NCOA6: variants seen among roughly 807,000 people sequenced by gnomAD.
NCOA6 encodes the protein NRC RAP250.
A neutral mutation model predicts 171.4 loss-of-function variants in NCOA6; 49 were observed. The observed-to-expected ratio is 0.29, with a 90% CI of 0.23 to 0.36. The LOEUF (loss-of-function observed/expected upper bound fraction) is 0.36. Ranked by LOEUF, NCOA6 falls within the 10% of genes least tolerant of loss-of-function variation. The probability of loss-of-function intolerance (pLI) is 1.00; values close to 1 mark genes in which losing one functional copy is unlikely to be tolerated. For missense variants in NCOA6, 2,248 were observed against 2,554.5 expected, an observed-to-expected ratio of 0.88 and a Z score of 2.59; for synonymous variants, 910 against 927.5, an observed-to-expected ratio of 0.98 and a Z score of 0.34.
At chr20:34,815,032 G>A (rs1601153002) in intron 1 of NCOA6, among the ~76,000 whole-genome samples, 1 of 152,152 alleles carries the variant, frequency 6.6e-6, no homozygotes. Flanking sequence ...ATTCAAATGA[G>A]TATTCACAAT....
chr20:34,809,430 T>G (rs1055952321), intron 1 of NCOA6: 2 of 398,434 alleles, frequency 5.0e-6, no homozygotes, highest in African/African-American at 4.1e-5. Flanking sequence ...TTGAATTTCA[T>G]GTATTCTACA....
chr20:34,822,172 T>C (rs2079026985), intron 1 of NCOA6, among the ~76,000 whole-genome samples: 1 of 152,114 alleles, frequency 6.6e-6, no homozygotes. Flanking sequence ...CAGTCTACCC[T>C]CCTTCCAAAG....
intron 8 of NCOA6, among the ~76,000 whole-genome samples, chr20:34,752,934 CACAA>C (rs2076534037): frequency 6.7e-6 from 1 of 149,016 alleles, no homozygotes; most frequent in Non-Finnish European, 1.5e-5. Flanking sequence ...AAAAAACACA[CACAA>C]AGAAAACAAA....
At chr20:34,786,491 A>G (rs2077685266) in intron 2 of NCOA6, among the ~76,000 whole-genome samples, 1 of 152,196 alleles carries the variant, frequency 6.6e-6, no homozygotes. Context: ...ATTTAGTGCT[A>G]TAAATTTCCC....
Position 34,741,470 on chromosome 20 carries a change from G to T in NCOA6, c.4786C>A (p.Gln1596Lys), listed in dbSNP as rs1171006639. ...SSISTPLPPN[Q>K]ITVFVTSNPI... ...TTGGAAGTGACAAATACAGTTATTT[G>T]ATTTGGGGGCAAGGGAGTGGAAATG... is the stretch of plus-strand genomic sequence containing the variant. Residue 1596 changes from glutamine (Q) to lysine (K), a missense_variant, in exon 11 of 15, where the codon CAA becomes AAA. This residue lies in a region of NCOA6 where 884 missense variants were observed against 941.9 expected (regional missense o/e 0.94). Coordinates refer to ENST00000359003, the MANE Select transcript of NCOA6 (RefSeq NM_014071.5). 2 of 1,614,044 alleles carry T rather than the reference G, an allele frequency of 1.2e-6. No individual in the cohort carries two copies. The highest frequency in any genetic ancestry group is 2.7e-5 in the African/African-American group (2 of 74,910).
At position 34,749,392 on chromosome 20, in the gene NCOA6, T is replaced by A. The variant is rs1230039625; in HGVS notation, c.2792+11A>T. 6.3e-7 allele frequency: 1 copy of A among 1,576,356 alleles called. No individual in the cohort carries two copies. The highest frequency in any genetic ancestry group is 1.4e-5 in the African/African-American group (1 of 73,108). ...ATGAATAAAATTTGAGGCAAAACCA[T>A]CACAACCTACTTTAGATCTTGCTGA... On this transcript the variant is annotated intron_variant, in intron 9 of 14. Coordinates refer to ENST00000359003, the MANE Select transcript of NCOA6 (RefSeq NM_014071.5).
chr20:34,809,363 AAAAGT>A (rs1427088672), intron 1 of NCOA6: 1 of 397,372 alleles, frequency 2.5e-6, no homozygotes, highest in Non-Finnish European at 4.4e-6. Context: ...CTCCTTTTTA[AAAAGT>A]AAAGTCTATT....
intron 1 of NCOA6, among the ~76,000 whole-genome samples, chr20:34,802,827 T>G: frequency 6.6e-6 from 1 of 152,140 alleles, no homozygotes; most frequent in Middle Eastern, 3.2e-3. Context: ...TTGTTTTAGT[T>G]TTTTGAGTCA....
chr20:34,728,635 G>A (rs937274658), intron 13 of NCOA6, among the ~76,000 whole-genome samples: 1 of 152,166 alleles, frequency 6.6e-6, no homozygotes, highest in African/African-American at 2.4e-5. Context: ...CCACTTCTAG[G>A]TGCCTAAGGA....
chr20:34,782,388 G>A lies in NCOA6; in HGVS notation c.-33C>T. The A allele has an allele frequency of 2.2e-6, 3 of 1,373,990 alleles. No homozygotes were observed. The highest frequency in any genetic ancestry group is 2.2e-5 in the Admixed American group (1 of 46,168). 85.1% of individuals were successfully genotyped at this position (1,373,990 alleles called of 1,614,324 possible). A position where few individuals can be genotyped will look rare whatever the true frequency, so the allele number is the denominator to read the frequency against. On this transcript the variant is annotated 5_prime_UTR_variant, in exon 3 of 15. Transcript: ENST00000359003. ...ATTATTCCAGAAGCATATGCCAAGA[G>A]GACAATAAGAAAACTTCTGAAAAGA...
At chr20:34,790,643 C>T (rs2077846924) in intron 2 of NCOA6, among the ~76,000 whole-genome samples, 2 of 152,022 alleles carry the variant, frequency 1.3e-5, no homozygotes, top group South Asian at 4.1e-4. Flanking sequence ...GCGTGAGCCA[C>T]CACGCCTGGC....
chr20:34,747,831 C>G (rs182134837), intron 9 of NCOA6, among the ~76,000 whole-genome samples: 53 of 152,298 alleles, frequency 3.5e-4, no homozygotes, highest in Non-Finnish European at 6.9e-4. Flanking sequence ...AGACTTCTCT[C>G]TCACTTTAAA....
intron 10 of NCOA6, among the ~76,000 whole-genome samples, chr20:34,744,593 C>A (rs2076248568): frequency 6.6e-6 from 1 of 152,202 alleles, no homozygotes; most frequent in Admixed American, 6.5e-5. Flanking sequence ...ACTCAGCACT[C>A]AATTAATGTC....
intron 12 of NCOA6, among the ~76,000 whole-genome samples, chr20:34,735,219 G>A (rs2075913047): frequency 6.6e-6 from 1 of 152,156 alleles, no homozygotes; most frequent in African/African-American, 2.4e-5. Flanking sequence ...TCCCTTTAGA[G>A]TTACTCCTTT....
At chr20:34,766,023 T>G (rs1357872898) in intron 5 of NCOA6, among the ~76,000 whole-genome samples, 1 of 152,152 alleles carries the variant, frequency 6.6e-6, no homozygotes, top group Non-Finnish European at 1.5e-5. Context: ...TAGAGGGGAT[T>G]TAAGGTCTCT....
chr20:34,812,503 T>C (rs1463638590), intron 1 of NCOA6, among the ~76,000 whole-genome samples: 1 of 152,146 alleles, frequency 6.6e-6, no homozygotes, highest in Non-Finnish European at 1.5e-5. Context: ...CCTAACTTCT[T>C]AGTATAAGAA....
At chr20:34,725,184 G>A (rs1989817401) in intron 14 of NCOA6, among the ~76,000 whole-genome samples, 1 of 152,168 alleles carries the variant, frequency 6.6e-6, no homozygotes. Context: ...GATAATTACT[G>A]ATTGGTACAT....
chr20:34,809,148 C>A (rs1011304223), intron 1 of NCOA6, among the ~76,000 whole-genome samples: 2 of 152,136 alleles, frequency 1.3e-5, no homozygotes, highest in African/African-American at 2.4e-5. Flanking sequence ...GTGAGAAATT[C>A]ACCTTTTTGT....
chr20:34,758,172 T>C, intron 6 of NCOA6, 68 bp from the exon 7 acceptor site: 1 of 1,529,744 alleles, frequency 6.5e-7, no homozygotes, highest in Non-Finnish European at 8.7e-7. Context: ...AAGTGGCCTT[T>C]GTAATTCTGG....
Sources: gnomAD v4.1 joint callset for allele counts (sites outside exome capture counted in the v4.1 genomes callset) on GRCh38, gnomAD v4.1.1 for gene constraint, gnomAD v4.1.1 regional missense constraint, MANE v1.5 for transcripts, NCBI Gene and HGNC (gene_info 2026-07-23, HGNC 2026-07-21) for gene names.